Variants in JPH4 observed in about 807,000 individuals in gnomAD.
The protein encoded by JPH4 is junctophilin-4.
In JPH4, 18 loss-of-function variants were observed where a neutral mutation model predicts 57.6. The ratio of observed to expected loss-of-function variants is 0.31; its 90% CI spans 0.22 to 0.46. The LOEUF is 0.46. Ranked by LOEUF, JPH4 falls within the 20% of genes least tolerant of loss-of-function variation. The pLI is 1.00. For synonymous variants in JPH4, 425 were observed against 406.6 expected (o/e 1.05, Z -0.54); for missense variants, 727 against 911.1 (o/e 0.80, Z 2.60).
Position 23,572,791 on chromosome 14 carries a change from T to C in JPH4, c.1152-871A>G, listed in dbSNP as rs75881937. 1,703 of 684,966 alleles carry C rather than the reference T, an allele frequency of 2.5e-3. 32 individuals carry two copies. The East Asian group carries it at 0.04, about 16-fold the overall frequency. 42.4% of individuals were successfully genotyped at this position (684,966 alleles called of 1,614,324 possible). A position where few individuals can be genotyped will look rare whatever the true frequency, so the allele number is the denominator to read the frequency against. On this transcript the variant is annotated intron_variant, in intron 3 of 5. Transcript: ENST00000356300. ...GCTTTCTCACCATTGCAACTACACT[T>C]CTGGCTAAACCCTTAGTCTCCCTTC...
intron 3 of JPH4, among the ~76,000 whole-genome samples, chr14:23,573,588 G>A (rs1004638488): frequency 1.3e-5 from 2 of 152,180 alleles, no homozygotes; most frequent in African/African-American, 4.8e-5. Context: ...TCTGTGCTCA[G>A]GCATCAGACT....
Position 23,568,915 on chromosome 14 carries a change from C to T in JPH4, c.*719G>A. ...TACACGTTGCTCTTGGCATGGCATG[C>T]CACCAGAGGGGGCTGGAGGAGGGGC... On this transcript the variant is annotated 3_prime_UTR_variant, in exon 6 of 6. Transcript: ENST00000356300. The T allele has an allele frequency of 1.8e-6, 1 of 549,936 alleles. No homozygotes were observed. Among genetic ancestry groups the T allele is most frequent in the Non-Finnish European group, 2.3e-6 (1 of 432,024 alleles). 34.1% of individuals were successfully genotyped at this position (549,936 alleles called of 1,614,324 possible).
At position 23,571,706 on chromosome 14, in the gene JPH4, C is replaced by T; in HGVS notation, c.1270+96G>A. Reference sequence around the variant, plus strand: ...CATTCCTTGTTTTTTCCCATCCCCACTTCCCTTGCAGGGCTTCTCATCTGT... The same window carrying T: ...CATTCCTTGTTTTTTCCCATCCCCATTTCCCTTGCAGGGCTTCTCATCTGT... On this transcript the variant is annotated intron_variant, in intron 4 of 5. Coordinates refer to ENST00000356300, the MANE Select transcript of JPH4 (RefSeq NM_001146028.2). This position sits in a 1 kb window ranked among gnomAD's most constrained non-coding sequence, Gnocchi z 4.6. 3 of 1,241,222 alleles carry T rather than the reference C, an allele frequency of 2.4e-6. No individual in the cohort carries two copies. The highest frequency in any genetic ancestry group is 3.7e-5 in the Admixed American group (2 of 53,754). The allele number at this position is 1,241,222 out of a possible 1,614,324, so 76.9% of individuals were successfully genotyped here.
rs35127620 is a variant in JPH4 at position 23,573,937 on chromosome 14, A to AACACACACACAC, written c.1151+1736_1151+1747dup. ...GTTTATATTCTTTCTCTCTCTCTGT[A>AACACACACACAC]ACACACACACACACACACACACACA... On this transcript the variant is annotated intron_variant, in intron 3 of 5. Coordinates refer to ENST00000356300, the MANE Select transcript of JPH4 (RefSeq NM_001146028.2). 4.2e-3 allele frequency among the ~76,000 whole-genome samples: 605 copies of AACACACACACAC among 143,174 alleles called. 3 individuals carry two copies. The highest frequency in any genetic ancestry group is 0.015 in the African/African-American group (579 of 39,214). The allele number at this position is 143,174 out of a possible 152,430, so 93.9% of individuals were successfully genotyped here. A position where few individuals can be genotyped will look rare whatever the true frequency, so the allele number is the denominator to read the frequency against.
chr14:23,572,455 C>T (rs780925956), intron 3 of JPH4, among the ~76,000 whole-genome samples: 10 of 152,020 alleles, frequency 6.6e-5, no homozygotes, highest in Non-Finnish European at 1.5e-4. Context: ...CTCCAAGCAG[C>T]TTCGCCCCTG....
At position 23,568,086 on chromosome 14, in the gene JPH4, A is replaced by AT; in HGVS notation, c.*1547dup. ...TATTTTTTTTGTTAAATTTCTTTGT[A>AT]TTTTTTTCCTGCAAGACTTGGTGTT... On this transcript the variant is annotated 3_prime_UTR_variant, in exon 6 of 6. Coordinates refer to ENST00000356300, the MANE Select transcript of JPH4 (RefSeq NM_001146028.2). The AT allele has an allele frequency of 1.0e-6, 1 of 983,636 alleles. No individual in the cohort carries two copies. Among genetic ancestry groups the AT allele is most frequent in the Non-Finnish European group, 1.2e-6 (1 of 828,474 alleles). The allele number at this position is 983,636 out of a possible 1,614,324, so 60.9% of individuals were successfully genotyped here.
rs1278316003 is a variant in JPH4, at chr14:23,575,893, GC to G, written c.942del (p.His315ThrfsTer57). On this transcript the variant is annotated frameshift_variant, in exon 3 of 6. Coordinates refer to ENST00000356300, the MANE Select transcript of JPH4 (RefSeq NM_001146028.2). LOFTEE classifies it high-confidence loss of function. This position sits in a 1 kb window ranked among gnomAD's most constrained non-coding sequence, Gnocchi z 6.9. The part of the protein sequence containing the change: ...RYEGEWLGNR[R>X]HGYGRTTRPD... ...GGGCGGGTGGTGCGCCCGTAGCCGT[GC>G]CGCCGGTTGCCCAGCCACTCGCCCT... 1 of 1,570,882 alleles carries G rather than the reference GC, an allele frequency of 6.4e-7. No homozygotes were observed. Among genetic ancestry groups the G allele is most frequent in the Admixed American group, 1.8e-5 (1 of 57,036 alleles).
chr14:23,571,905 G>C lies in JPH4; in HGVS notation c.1167C>G (p.Leu389=), dbSNP rs751892287. Residue 389 remains leucine, a synonymous_variant, in exon 4 of 6, where the codon CTC becomes CTG. Transcript: ENST00000356300. The surrounding 1 kb of genome is among the most constrained non-coding windows in gnomAD (Gnocchi z 4.6). ...CACTGCTGGCTGCCACTGCCTTTAG[G>C]AGGGCGTCTGCTGCCCTGTCGGGTC... The part of the protein sequence containing the change: ...EIAAARAADA[L]LKAVAASSVA... 1 of 1,612,132 alleles carries C rather than the reference G, an allele frequency of 6.2e-7. No individual in the cohort carries two copies. Among genetic ancestry groups the C allele is most frequent in the East Asian group, 2.2e-5 (1 of 44,874 alleles).
chr14:23,573,071 C>T, intron 3 of JPH4: 1 of 650,600 alleles, frequency 1.5e-6, no homozygotes, highest in Admixed American at 2.2e-5. Flanking sequence ...ATTGATCACA[C>T]CCCATGACTT....
chr14:23,571,569 C>T lies in JPH4; in HGVS notation c.1271-109G>A, dbSNP rs1889148226. ...CCCAGGACTTTGGAATTCCCAGGCT[C>T]ATAGCCTCTCACCGCCAGACCCCAA... On this transcript the variant is annotated intron_variant, in intron 4 of 5. Transcript: ENST00000356300. This position sits in a 1 kb window ranked among gnomAD's most constrained non-coding sequence, Gnocchi z 4.6. The T allele has an allele frequency of 1.5e-6, 2 of 1,350,198 alleles. No homozygotes were observed. The highest frequency in any genetic ancestry group is 1.0e-6 in the Non-Finnish European group (1 of 989,118). 83.6% of individuals were successfully genotyped at this position (1,350,198 alleles called of 1,614,324 possible).
At chr14:23,570,516 C>T (rs558143760) in intron 5 of JPH4, among the ~76,000 whole-genome samples, 4 of 151,958 alleles carry the variant, frequency 2.6e-5, no homozygotes, top group South Asian at 2.1e-4. Context: ...GGACTACAGG[C>T]GCCCGCCACC....
chr14:23,576,190 C>T lies in JPH4; in HGVS notation c.646G>A (p.Gly216Ser), dbSNP rs1323200992. 4 of 1,294,552 alleles carry T rather than the reference C, an allele frequency of 3.1e-6. No homozygotes were observed. The highest frequency in any genetic ancestry group is 4.6e-5 in the South Asian group (2 of 43,502). The allele number at this position is 1,294,552 out of a possible 1,614,324, so 80.2% of individuals were successfully genotyped here. A position where few individuals can be genotyped will look rare whatever the true frequency, so the allele number is the denominator to read the frequency against. Reference protein sequence around the residue: ...ASSRKRTPAAGGFFRRSLLLS... With the variant: ...ASSRKRTPAASGFFRRSLLLS... ...AGCAGCGAACGGCGAAAGAATCCGCCGGCCGCCGGAGTGCGCTTTCGGGAC... is the reference window on the plus strand; with the variant it reads ...AGCAGCGAACGGCGAAAGAATCCGCTGGCCGCCGGAGTGCGCTTTCGGGAC... Residue 216 changes from glycine (G) to serine (S), a missense_variant, in exon 3 of 6, where the codon GGC becomes AGC. By Grantham distance (56) the Gly-to-Ser change is moderately conservative. Around this residue, in one of 7 missense-constraint regions of JPH4, gnomAD observed 131 missense variants for 156.5 expected, o/e 0.84. Transcript: ENST00000356300. This position sits in a 1 kb window ranked among gnomAD's most constrained non-coding sequence, Gnocchi z 8.0.
Position 23,569,483 on chromosome 14 carries a change from G to A in JPH4, c.*151C>T, listed in dbSNP as rs375140240. 2.4e-5 allele frequency: 16 copies of A among 664,612 alleles called. No homozygotes were observed. The highest frequency in any genetic ancestry group is 1.0e-4 in the South Asian group (6 of 57,572). The allele number at this position is 664,612 out of a possible 1,614,324, so 41.2% of individuals were successfully genotyped here. Reference sequence around the variant, plus strand: ...GAAAGAAGACAGGGAAAGAAAAAGCGAGAGAAAAAAACAAAGGAGCACAGA... The same window carrying A: ...GAAAGAAGACAGGGAAAGAAAAAGCAAGAGAAAAAAACAAAGGAGCACAGA... On this transcript the variant is annotated 3_prime_UTR_variant, in exon 6 of 6. Transcript: ENST00000356300. The surrounding 1 kb of genome is among the most constrained non-coding windows in gnomAD (Gnocchi z 4.8).
rs773370318 is a variant in JPH4, at chr14:23,576,106, G to T, written c.730C>A (p.Leu244Met). 1.5e-6 allele frequency: 2 copies of T among 1,300,644 alleles called. No individual in the cohort carries two copies. Among genetic ancestry groups the T allele is most frequent in the East Asian group, 3.2e-5 (1 of 31,478 alleles). The allele number at this position is 1,300,644 out of a possible 1,614,324, so 80.6% of individuals were successfully genotyped here. The change falls in exon 3 of 6, where the codon CTG (leucine) becomes ATG (methionine). Residue 244 changes from leucine (L) to methionine (M), a missense_variant. Coordinates refer to ENST00000356300, the MANE Select transcript of JPH4 (RefSeq NM_001146028.2). The surrounding 1 kb of genome is among the most constrained non-coding windows in gnomAD (Gnocchi z 8.0). ...ACCTCGCTGCTCACCTCGCTGCGCA[G>T]GGAGCCTCGCTTGCTGCCCAGGGAG... is the stretch of plus-strand genomic sequence containing the variant. ...RSSLGSKRGS[L>M]RSEVSSEVGS...
Position 23,569,668 on chromosome 14 carries a change from C to G in JPH4, c.1853G>C (p.Ser618Thr). The G allele has an allele frequency of 6.4e-7, 1 of 1,552,942 alleles. No individual in the cohort carries two copies. Among genetic ancestry groups the G allele is most frequent in the Non-Finnish European group, 8.7e-7 (1 of 1,147,898 alleles). The part of the protein sequence containing the change: ...VVGAVALLDL[S>T]LAFLFSQLLT ...GAGCTGGGAGAACAGGAATGCCAGG[C>G]TGAGGTCCAGGAGGGCCACGGCTCC... The change falls in exon 6 of 6, where the codon AGC becomes ACC. Residue 618 changes from serine to threonine, a missense_variant. This residue lies in a region of JPH4 where 12 missense variants were observed against 29.5 expected (regional missense o/e 0.41). Coordinates refer to ENST00000356300, the MANE Select transcript of JPH4 (RefSeq NM_001146028.2). This position sits in a 1 kb window ranked among gnomAD's most constrained non-coding sequence, Gnocchi z 4.8.
In JPH4 at chr14:23,576,357, C is replaced by A; in HGVS notation, c.479G>T (p.Arg160Leu). 7.5e-7 allele frequency: 1 copy of A among 1,333,584 alleles called. No homozygotes were observed. Among genetic ancestry groups the A allele is most frequent in the Non-Finnish European group, 9.6e-7 (1 of 1,046,174 alleles). 82.6% of individuals were successfully genotyped at this position (1,333,584 alleles called of 1,614,324 possible). A position where few individuals can be genotyped will look rare whatever the true frequency, so the allele number is the denominator to read the frequency against. The change falls in exon 3 of 6, where the codon CGC becomes CTC. Residue 160 changes from arginine (R) to leucine (L), a missense_variant. By Grantham distance (102) the Arg-to-Leu change is moderately radical. This residue lies in a region of JPH4 where 6 missense variants were observed against 22.4 expected (regional missense o/e 0.27). Coordinates refer to ENST00000356300, the MANE Select transcript of JPH4 (RefSeq NM_001146028.2). The surrounding 1 kb of genome is among the most constrained non-coding windows in gnomAD (Gnocchi z 8.0). ...GCTGTGGCCGGAATCCAGGGAGGTG[C>A]GGCGGGGCGAGCGCAGCAGCGCCGC... ...HQAALLRSPR[R>L]TSLDSGHSDP...
In JPH4 at chr14:23,577,981, G is replaced by C. The variant is rs1215781308; in HGVS notation, c.-172+199C>G. On this transcript the variant is annotated intron_variant, in intron 1 of 5. Transcript: ENST00000356300. This position sits in a 1 kb window ranked among gnomAD's most constrained non-coding sequence, Gnocchi z 8.4. ...CTGCTGTCAGGACCCCTCTGCCCCG[G>C]TTCTTCGGCGTCTCTGGCAAAGGGA... The C allele has an allele frequency of 6.6e-6, 1 of 152,034 alleles. No individual in the cohort carries two copies. The highest frequency in any genetic ancestry group is 1.5e-5 in the Non-Finnish European group (1 of 68,198). 9.4% of individuals were successfully genotyped at this position (152,034 alleles called of 1,614,324 possible). A position where few individuals can be genotyped will look rare whatever the true frequency, so the allele number is the denominator to read the frequency against.
Position 23,577,117 on chromosome 14 carries a change from C to T in JPH4, c.337G>A (p.Gly113Ser). 1.3e-6 allele frequency: 2 copies of T among 1,564,612 alleles called. No individual in the cohort carries two copies. Among genetic ancestry groups the T allele is most frequent in the Non-Finnish European group, 1.7e-6 (2 of 1,162,894 alleles). ...GLRYAGLWKD[G>S]FQDGYGTETY... is the part of the protein sequence containing the mutation. ...TCAGTGCCGTAGCCGTCCTGGAAAC[C>T]GTCCTTCCAGAGCCCGGCGTAGCGC... Residue 113 changes from glycine (G) to serine (S), a missense_variant, in exon 2 of 6, where the codon GGT becomes AGT. Transcript: ENST00000356300. This position sits in a 1 kb window ranked among gnomAD's most constrained non-coding sequence, Gnocchi z 8.4.
chr14:23,569,564 A>G lies in JPH4; in HGVS notation c.*70T>C, dbSNP rs1326870547. 3 of 968,538 alleles carry G rather than the reference A, an allele frequency of 3.1e-6. No homozygotes were observed. 60.0% of individuals were successfully genotyped at this position (968,538 alleles called of 1,614,324 possible). ...AGAAAACACAGCCAGGAAGAGGAGAAGAGAAAAAAGGCAGGTCAAAGGGGT... is the reference window on the plus strand; with the variant it reads ...AGAAAACACAGCCAGGAAGAGGAGAGGAGAAAAAAGGCAGGTCAAAGGGGT... On this transcript the variant is annotated 3_prime_UTR_variant, in exon 6 of 6. Coordinates refer to ENST00000356300, the MANE Select transcript of JPH4 (RefSeq NM_001146028.2). The surrounding 1 kb of genome is among the most constrained non-coding windows in gnomAD (Gnocchi z 4.8).
Sources: allele counts gnomAD v4.1 joint callset (sites outside exome capture counted in the v4.1 genomes callset), GRCh38; gene constraint gnomAD v4.1.1; regional missense constraint gnomAD v4.1.1; non-coding constraint Gnocchi (gnomAD v3.1); transcripts MANE v1.5; gene names NCBI Gene and HGNC (gene_info 2026-07-23, HGNC 2026-07-21).